Variants in AGBL4 observed in about 807,000 individuals in gnomAD.
AGBL4 encodes cytosolic carboxypeptidase 6.
Under a neutral mutation model 66.4 loss-of-function variants are expected in AGBL4, and 58 were observed. The ratio of observed to expected loss-of-function variants is 0.87; its 90% CI spans 0.71 to 1.09. AGBL4 has a LOEUF of 1.09. AGBL4 is among the 50% of genes least tolerant of loss of function. The pLI is 0.00. For synonymous variants in AGBL4, 234 were observed against 222.9 expected (o/e 1.05, Z -0.44); for missense variants, 579 against 631.0 (o/e 0.92, Z 0.88).
chr1:49,844,816 G>C (rs1447094545), intron 2 of AGBL4: 27 of 1,540,052 alleles, frequency 1.8e-5, no homozygotes, highest in Middle Eastern at 1.7e-4. Context: ...CAGGGGTGAA[G>C]ACACTGTGGG....
intron 1 of AGBL4, among the ~76,000 whole-genome samples, chr1:49,910,000 C>G (rs1404290613): frequency 6.6e-6 from 1 of 152,040 alleles, no homozygotes. Flanking sequence ...GTTTCATACA[C>G]AAGTATGGAA....
At chr1:49,375,529 T>A (rs1051565220) in intron 3 of AGBL4, among the ~76,000 whole-genome samples, 1 of 152,088 alleles carries the variant, frequency 6.6e-6, no homozygotes, top group African/African-American at 2.4e-5. Flanking sequence ...ATTCTATTAA[T>A]ACATAATGAC....
intron 2 of AGBL4, among the ~76,000 whole-genome samples, chr1:49,736,499 T>C (rs1157236883): frequency 1.3e-5 from 2 of 152,050 alleles, no homozygotes; most frequent in Non-Finnish European, 2.9e-5. Flanking sequence ...AATGGATCAA[T>C]TGAAAAACTA....
intron 2 of AGBL4, among the ~76,000 whole-genome samples, chr1:49,832,921 A>G (rs1298102777): frequency 6.6e-6 from 1 of 151,808 alleles, no homozygotes; most frequent in Non-Finnish European, 1.5e-5. Context: ...AGGTTGTGAA[A>G]ATTTTCTCCC....
intron 2 of AGBL4, among the ~76,000 whole-genome samples, chr1:49,770,947 T>C (rs997065781): frequency 6.6e-6 from 1 of 152,116 alleles, no homozygotes; most frequent in African/African-American, 2.4e-5. Flanking sequence ...GTTTATCTTT[T>C]CAAAAACCAA....
chr1:48,549,783 G>A (rs186844420), intron 11 of AGBL4, among the ~76,000 whole-genome samples: 9 of 152,016 alleles, frequency 5.9e-5, no homozygotes, highest in African/African-American at 2.2e-4. Flanking sequence ...AGAGGTGTGA[G>A]AGAGATATAA....
At chr1:49,943,008 A>G (rs1243690990) in intron 1 of AGBL4, among the ~76,000 whole-genome samples, 1 of 152,220 alleles carries the variant, frequency 6.6e-6, no homozygotes, top group Non-Finnish European at 1.5e-5. Flanking sequence ...AAGGACCTGA[A>G]TAGACATTTC....
intron 3 of AGBL4, among the ~76,000 whole-genome samples, chr1:49,370,590 T>C (rs1451348258): frequency 1.3e-5 from 2 of 152,198 alleles, no homozygotes; most frequent in Non-Finnish European, 2.9e-5. Context: ...GACTAGTGTT[T>C]GACCAAACAA....
chr1:49,729,717 G>T (rs1368875953), intron 2 of AGBL4, among the ~76,000 whole-genome samples: 1 of 152,114 alleles, frequency 6.6e-6, no homozygotes, highest in Non-Finnish European at 1.5e-5. Flanking sequence ...TCTGAAAAAA[G>T]AAACAGACTG....
At chr1:49,092,380 C>T (rs1645018236) in intron 4 of AGBL4, among the ~76,000 whole-genome samples, 1 of 152,206 alleles carries the variant, frequency 6.6e-6, no homozygotes, top group African/African-American at 2.4e-5. Context: ...ATTCCTTAGC[C>T]AATAACAGAG....
chr1:49,643,776 A>T (rs1197080743), intron 3 of AGBL4, among the ~76,000 whole-genome samples: 8 of 151,722 alleles, frequency 5.3e-5, no homozygotes, highest in African/African-American at 1.7e-4. Flanking sequence ...CCTAGTATAT[A>T]TGTAATGAAA....
intron 3 of AGBL4, among the ~76,000 whole-genome samples, chr1:49,531,009 G>T (rs893802789): frequency 1.3e-5 from 2 of 151,994 alleles, no homozygotes; most frequent in Non-Finnish European, 2.9e-5. Flanking sequence ...CTAGCACAGA[G>T]CACTCAATCA....
chr1:49,739,236 G>A (rs1248247543), intron 2 of AGBL4, among the ~76,000 whole-genome samples: 1 of 152,134 alleles, frequency 6.6e-6, no homozygotes, highest in Non-Finnish European at 1.5e-5. Context: ...GAAAACCATG[G>A]CACGAGAACT....
intron 2 of AGBL4, among the ~76,000 whole-genome samples, chr1:49,733,162 C>T (rs560775684): frequency 5.3e-5 from 8 of 152,046 alleles, no homozygotes; most frequent in Non-Finnish European, 1.2e-4. Flanking sequence ...AAACTACTTT[C>T]AACAAAAAAT....
intron 5 of AGBL4, among the ~76,000 whole-genome samples, chr1:48,927,510 A>G (rs1000868131): frequency 1.3e-5 from 2 of 152,150 alleles, no homozygotes; most frequent in Non-Finnish European, 2.9e-5. Flanking sequence ...CAGCTAAACC[A>G]TATTTCACCT....
intron 1 of AGBL4, among the ~76,000 whole-genome samples, chr1:49,922,606 T>G (rs922802422): frequency 2.0e-5 from 3 of 152,158 alleles, no homozygotes; most frequent in African/African-American, 7.2e-5. Flanking sequence ...TTCAGCAAAA[T>G]CTTACAATAT....
chr1:49,730,563 C>T (rs1425641884), intron 2 of AGBL4, among the ~76,000 whole-genome samples: 2 of 152,150 alleles, frequency 1.3e-5, no homozygotes, highest in Non-Finnish European at 2.9e-5. Flanking sequence ...CTGTGACAAC[C>T]CCTTGGGGCT....
At chr1:49,745,993 T>TTA (rs1219595807) in intron 2 of AGBL4, among the ~76,000 whole-genome samples, 3 of 152,156 alleles carry the variant, frequency 2.0e-5, no homozygotes, top group Admixed American at 2.0e-4. Context: ...TAATTAAATC[T>TTA]TAGTAAATTT....
At chr1:49,904,436 T>C (rs565524976) in intron 1 of AGBL4, among the ~76,000 whole-genome samples, 3 of 152,166 alleles carry the variant, frequency 2.0e-5, no homozygotes, top group Admixed American at 6.5e-5. Context: ...TCATGAATCT[T>C]TGAAATTCAA....
Sources: gnomAD v4.1 joint callset for allele counts (sites outside exome capture counted in the v4.1 genomes callset) on GRCh38, gnomAD v4.1.1 for gene constraint, MANE v1.5 for transcripts, NCBI Gene and HGNC (gene_info 2026-07-23, HGNC 2026-07-21) for gene names.